Variants in LINGO2 observed in about 807,000 individuals in gnomAD.
The protein encoded by LINGO2 is leucine-rich repeat and immunoglobulin-like domain-containing nogo receptor-interacting protein 2.
In LINGO2, 14 loss-of-function variants were observed where a neutral mutation model predicts 30.6. That is an observed-to-expected ratio of 0.46 (90% CI 0.30 to 0.72). The LOEUF is 0.72. Among genes scored for constraint, LINGO2 ranks in the 30% least tolerant of loss-of-function variants. The pLI is 0.07. For missense variants in LINGO2, 729 were observed against 751.7 expected, an observed-to-expected ratio of 0.97 and a Z score of 0.35; for synonymous variants, 317 against 288.5, an observed-to-expected ratio of 1.10 and a Z score of -1.00.
chr9:28,487,564 C>G (rs1826219856), intron 1 of LINGO2, among the ~76,000 whole-genome samples: 1 of 152,152 alleles, frequency 6.6e-6, no homozygotes, highest in Non-Finnish European at 1.5e-5. Flanking sequence ...TACTTCTTCT[C>G]AACTCACATG....
At chr9:28,374,228 A>G (rs60198202) in intron 2 of LINGO2, among the ~76,000 whole-genome samples, 67,306 of 146,622 alleles carry the variant, frequency 0.46, 16,580 homozygotes, top group Non-Finnish European at 0.53. Context: ...ATATATATAT[A>G]TATGTAATAT....
At chr9:28,226,825 A>G (rs192246535) in intron 4 of LINGO2, among the ~76,000 whole-genome samples, 82 of 152,244 alleles carry the variant, frequency 5.4e-4, no homozygotes, top group Non-Finnish European at 9.6e-4. Context: ...AGGGCTATCC[A>G]GGAGGAGTGT....
At chr9:29,021,786 G>C in the LINGO2 span, among the ~76,000 whole-genome samples, 998 of 151,788 alleles carry the variant, frequency 6.6e-3, 15 homozygotes, top group African/African-American at 0.023. Flanking sequence ...CATATATCAA[G>C]ACAATAAATG....
At chr9:28,485,075 A>T (rs1826118593) in intron 1 of LINGO2, among the ~76,000 whole-genome samples, 1 of 152,134 alleles carries the variant, frequency 6.6e-6, no homozygotes, top group Non-Finnish European at 1.5e-5. Flanking sequence ...CATCTCTAAG[A>T]TTCCATGTAA....
At chr9:28,017,892 A>C (rs1327211356) in intron 4 of LINGO2, among the ~76,000 whole-genome samples, 1 of 152,184 alleles carries the variant, frequency 6.6e-6, no homozygotes, top group African/African-American at 2.4e-5. Flanking sequence ...CAGCTCAAAT[A>C]GCCAAGGCAA....
At chr9:28,724,660 A>G in the LINGO2 span, among the ~76,000 whole-genome samples, 1 of 152,150 alleles carries the variant, frequency 6.6e-6, no homozygotes, top group Non-Finnish European at 1.5e-5. Flanking sequence ...CCTCAGATCA[A>G]TATCAGCAAA....
At chr9:29,077,834 T>A in the LINGO2 span, among the ~76,000 whole-genome samples, 3 of 151,752 alleles carry the variant, frequency 2.0e-5, no homozygotes, top group Non-Finnish European at 4.4e-5. Context: ...AAAAAATAGT[T>A]CTAACCTAGA....
At chr9:28,687,422 T>C in the LINGO2 span, among the ~76,000 whole-genome samples, 2 of 152,128 alleles carry the variant, frequency 1.3e-5, no homozygotes, top group African/African-American at 2.4e-5. Context: ...CCAAGTGAAA[T>C]TCCTTGGTCA....
the LINGO2 span, among the ~76,000 whole-genome samples, chr9:29,049,862 T>C: frequency 0.16 from 24,652 of 151,980 alleles, 2,206 homozygotes; most frequent in South Asian, 0.21. Context: ...ATAGAAAGAA[T>C]AAATAAGATC....
intron 4 of LINGO2, among the ~76,000 whole-genome samples, chr9:28,091,652 T>C (rs1826092014): frequency 6.6e-6 from 1 of 152,172 alleles, no homozygotes; most frequent in Admixed American, 6.6e-5. Context: ...AAGGACTTCA[T>C]GTCTAAAACA....
chr9:28,150,889 T>C (rs1827980249), intron 4 of LINGO2, among the ~76,000 whole-genome samples: 1 of 152,180 alleles, frequency 6.6e-6, no homozygotes, highest in Non-Finnish European at 1.5e-5. Context: ...TCAATAATCA[T>C]AGAGGATATT....
chr9:28,251,585 T>G (rs570096323), intron 4 of LINGO2, among the ~76,000 whole-genome samples: 1 of 151,880 alleles, frequency 6.6e-6, no homozygotes, highest in East Asian at 1.9e-4. Context: ...TGCAATCTCT[T>G]TAGCAGATTG....
At chr9:28,055,453 C>A (rs559946822) in intron 4 of LINGO2, among the ~76,000 whole-genome samples, 1 of 152,238 alleles carries the variant, frequency 6.6e-6, no homozygotes, top group South Asian at 2.1e-4. Context: ...TGCAGCAAGT[C>A]TGTTTGCATA....
intron 4 of LINGO2, among the ~76,000 whole-genome samples, chr9:28,145,107 T>C (rs1038295252): frequency 5.9e-5 from 9 of 152,194 alleles, no homozygotes; most frequent in Non-Finnish European, 1.0e-4. Flanking sequence ...CATCACTGCA[T>C]TGTCACAGTG....
At chr9:29,161,396 T>C in the LINGO2 span, among the ~76,000 whole-genome samples, 31,415 of 152,154 alleles carry the variant, frequency 0.21, 3,523 homozygotes, top group East Asian at 0.37. Flanking sequence ...GCAGGCATAG[T>C]CATAGCCCTG....
intron 4 of LINGO2, among the ~76,000 whole-genome samples, chr9:28,168,012 T>C (rs1828479779): frequency 6.6e-6 from 1 of 152,222 alleles, no homozygotes; most frequent in Admixed American, 6.5e-5. Flanking sequence ...TGGTCATGTT[T>C]ATACTCCTTC....
At chr9:28,742,250 A>G in the LINGO2 span, among the ~76,000 whole-genome samples, 1 of 142,076 alleles carries the variant, frequency 7.0e-6, no homozygotes, top group East Asian at 2.1e-4. Flanking sequence ...ATGTGTAAAA[A>G]TGTCCATCCT....
intron 4 of LINGO2, among the ~76,000 whole-genome samples, chr9:28,071,323 G>A (rs1825469413): frequency 6.6e-6 from 1 of 152,084 alleles, no homozygotes; most frequent in Admixed American, 6.6e-5. Context: ...ACACGATATG[G>A]AGTAGGCTAT....
At chr9:28,914,920 C>A in the LINGO2 span, among the ~76,000 whole-genome samples, 1 of 152,224 alleles carries the variant, frequency 6.6e-6, no homozygotes, top group African/African-American at 2.4e-5. Context: ...ATCACAAGGT[C>A]AAGAGATGGG....
Sources: gnomAD v4.1 joint callset for allele counts (sites outside exome capture counted in the v4.1 genomes callset) on GRCh38, gnomAD v4.1.1 for gene constraint, MANE v1.5 for transcripts, NCBI Gene and HGNC (gene_info 2026-07-23, HGNC 2026-07-21) for gene names.